Variants in DGKB observed in about 807,000 individuals in gnomAD.
The protein encoded by DGKB is 90 kDa diacylglycerol kinase.
A neutral mutation model predicts 114.3 loss-of-function variants in DGKB; 67 were observed. The ratio of observed to expected loss-of-function variants is 0.59; its 90% CI spans 0.48 to 0.72. The LOEUF (loss-of-function observed/expected upper bound fraction) is 0.72, where lower values mean the gene tolerates loss of function less well. Ranked by LOEUF, DGKB falls within the 30% of genes least tolerant of loss-of-function variation. DGKB has a pLI of 0.00. For missense variants in DGKB, 907 were observed against 975.2 expected, an observed-to-expected ratio of 0.93 and a Z score of 0.93; for synonymous variants, 398 against 323.1, an observed-to-expected ratio of 1.23 and a Z score of -2.49.
intron 23 of DGKB, among the ~76,000 whole-genome samples, chr7:14,185,983 A>C (rs1002963371): frequency 6.6e-6 from 1 of 152,246 alleles, no homozygotes; most frequent in Non-Finnish European, 1.5e-5. Flanking sequence ...CCAAGAACCC[A>C]AAAGCAAATG....
chr7:14,424,583 C>G (rs75108832), intron 21 of DGKB, among the ~76,000 whole-genome samples: 1,804 of 152,146 alleles, frequency 0.012, 21 homozygotes, highest in Non-Finnish European at 0.016. Context: ...CTTCAAGACA[C>G]TACTGAGAGG....
At chr7:14,358,484 T>C (rs1445795029) in intron 21 of DGKB, among the ~76,000 whole-genome samples, 3 of 152,150 alleles carry the variant, frequency 2.0e-5, no homozygotes, top group Admixed American at 6.6e-5. Context: ...TAGTTAGCCA[T>C]ATTCAATAAG....
intron 23 of DGKB, among the ~76,000 whole-genome samples, chr7:14,261,614 C>A (rs1427275502): frequency 1.3e-5 from 2 of 152,016 alleles, no homozygotes; most frequent in Non-Finnish European, 2.9e-5. Flanking sequence ...ATAATCCATT[C>A]AATATATAGT....
chr7:14,957,204 T>C (rs926423222), intron 1 of DGKB, among the ~76,000 whole-genome samples: 11 of 151,836 alleles, frequency 7.2e-5, no homozygotes, highest in Admixed American at 4.6e-4. Context: ...AAAAAGAGGG[T>C]TCCCCAGACA....
At chr7:14,771,053 C>A (rs1225471412) in intron 2 of DGKB, among the ~76,000 whole-genome samples, 1 of 151,988 alleles carries the variant, frequency 6.6e-6, no homozygotes. Flanking sequence ...TTATTGGGGT[C>A]TAAATGAACT....
chr7:14,518,935 G>C (rs1416330811), intron 20 of DGKB, among the ~76,000 whole-genome samples: 1 of 151,954 alleles, frequency 6.6e-6, no homozygotes, highest in African/African-American at 2.4e-5. Context: ...GCATTTCCAA[G>C]TTCCCAGGTG....
At position 14,281,223 on chromosome 7, in the gene DGKB, A is replaced by G. The variant is rs540873735; in HGVS notation, c.2122+57292T>C. The stretch of plus-strand genomic sequence containing the variant: ...AGGGGTTGCAATCCTAGTCTCTGAT[A>G]AAACAGACTTTAAACCAACAAAGAT... On this transcript the variant is annotated intron_variant, in intron 23 of 25. Coordinates refer to ENST00000402815, the MANE Select transcript of DGKB (RefSeq NM_001350709.2). 3.9e-5 allele frequency among the ~76,000 whole-genome samples: 6 copies of G among 152,054 alleles called. No individual in the cohort carries two copies. In the East Asian group the frequency reaches 9.8e-4, roughly 25 times the overall value.
rs988144652 is a variant in DGKB, at chr7:14,418,409, T to A, written c.1835+59752A>T. ...TATATATATACACACACACATATAT[T>A]CATGTGAGTATACATATTTCCTTTA... On this transcript the variant is annotated intron_variant, in intron 21 of 25. Transcript: ENST00000402815. 1.2e-3 allele frequency among the ~76,000 whole-genome samples: 174 copies of A among 142,808 alleles called. 1 individual carries two copies. Among genetic ancestry groups the A allele is most frequent in the African/African-American group, 4.7e-3 (167 of 35,858 alleles). 93.7% of individuals were successfully genotyped at this position (142,808 alleles called of 152,430 possible). A position where few individuals can be genotyped will look rare whatever the true frequency, so the allele number is the denominator to read the frequency against.
intron 23 of DGKB, among the ~76,000 whole-genome samples, chr7:14,257,596 C>T (rs1178542240): frequency 1.3e-5 from 2 of 152,132 alleles, no homozygotes; most frequent in Non-Finnish European, 2.9e-5. Flanking sequence ...CTGATGGCTT[C>T]ATACTGGGCT....
intron 12 of DGKB, among the ~76,000 whole-genome samples, chr7:14,675,768 C>T (rs887782448): frequency 1.3e-5 from 2 of 151,906 alleles, no homozygotes; most frequent in Admixed American, 6.6e-5. Flanking sequence ...ATTCTCCTAA[C>T]CAAGAAGTCT....
chr7:14,247,047 G>A (rs1335974309), intron 23 of DGKB, among the ~76,000 whole-genome samples: 2 of 152,060 alleles, frequency 1.3e-5, no homozygotes, highest in Admixed American at 6.6e-5. Flanking sequence ...GTCTGCTGTT[G>A]TTGTTTTTTA....
intron 23 of DGKB, among the ~76,000 whole-genome samples, chr7:14,187,817 G>T (rs1783671780): frequency 6.6e-6 from 1 of 151,862 alleles, no homozygotes; most frequent in Non-Finnish European, 1.5e-5. Flanking sequence ...AATTAACATG[G>T]CACCCACAAA....
chr7:14,919,245 G>T (rs1437575399), intron 1 of DGKB, among the ~76,000 whole-genome samples: 1 of 151,986 alleles, frequency 6.6e-6, no homozygotes, highest in Non-Finnish European at 1.5e-5. Flanking sequence ...TGTAATCAGG[G>T]CAGCACGTTA....
At chr7:14,512,404 C>T (rs1016205815) in intron 20 of DGKB, among the ~76,000 whole-genome samples, 3 of 152,130 alleles carry the variant, frequency 2.0e-5, no homozygotes, top group Non-Finnish European at 4.4e-5. Context: ...TTTTCTCTAT[C>T]AGAACTATGT....
At chr7:14,758,779 T>C (rs1483342867) in intron 2 of DGKB, among the ~76,000 whole-genome samples, 4 of 152,168 alleles carry the variant, frequency 2.6e-5, no homozygotes, top group Admixed American at 6.5e-5. Flanking sequence ...TAGATGCCCA[T>C]TGAATATATA....
chr7:14,814,331 G>A (rs534131385), intron 2 of DGKB, among the ~76,000 whole-genome samples: 4 of 152,094 alleles, frequency 2.6e-5, no homozygotes, highest in Admixed American at 6.6e-5. Context: ...ACCAAGAACA[G>A]CAAAATAAAG....
chr7:14,740,176 C>G (rs1417908708), intron 4 of DGKB, among the ~76,000 whole-genome samples: 1 of 152,154 alleles, frequency 6.6e-6, no homozygotes, highest in African/African-American at 2.4e-5. Flanking sequence ...TTAAGTTTCT[C>G]TCTGTTTGCA....
intron 23 of DGKB, among the ~76,000 whole-genome samples, chr7:14,238,060 T>C (rs1395312172): frequency 2.0e-5 from 3 of 152,008 alleles, no homozygotes; most frequent in Non-Finnish European, 2.9e-5. Flanking sequence ...ATCTCTCGGG[T>C]TGGTGAAAGG....
intron 3 of DGKB, among the ~76,000 whole-genome samples, chr7:14,755,561 G>A (rs1834752703): frequency 6.6e-6 from 1 of 152,064 alleles, no homozygotes; most frequent in African/African-American, 2.4e-5. Context: ...CAACTTTGGG[G>A]TCAACTTGAC....
Sources: gnomAD v4.1 joint callset for allele counts (sites outside exome capture counted in the v4.1 genomes callset) on GRCh38, gnomAD v4.1.1 for gene constraint, MANE v1.5 for transcripts, NCBI Gene and HGNC (gene_info 2026-07-23, HGNC 2026-07-21) for gene names.